The following NOP58 variants were observed in gnomAD, a reference collection of about 807,000 sequenced individuals.
NOP58 encodes nucleolar protein 58.
In NOP58, 44 loss-of-function variants were observed where a neutral mutation model predicts 71.2. That is an observed-to-expected ratio of 0.62 (90% CI 0.49 to 0.79). NOP58 has a LOEUF of 0.79. Ranked by LOEUF, NOP58 falls within the 30% of genes least tolerant of loss-of-function variation. The pLI is 0.00. For missense variants in NOP58, 538 were observed against 620.2 expected (o/e 0.87, Z 1.41); for synonymous variants, 228 against 200.3 (o/e 1.14, Z -1.17).
In NOP58 at chr2:202,295,679, C is replaced by G. The variant is rs761744999; in HGVS notation, c.913C>G (p.Leu305Val). The change falls in exon 10 of 15, where the codon CTT (leucine) becomes GTT (valine). Residue 305 changes from leucine (L) to valine (V), a missense_variant. Coordinates refer to ENST00000264279, the MANE Select transcript of NOP58 (RefSeq NM_015934.5). ...GTAACTTTTTTCTTTTGTAGGTTCT[C>G]TTTTAAATTTGGCCAAGCATGCAGC... The part of the protein sequence containing the change: ...GARLIAHAGS[L>V]LNLAKHAAST... 1 of 1,573,020 alleles carries G rather than the reference C, an allele frequency of 6.4e-7. No individual in the cohort carries two copies.
rs1384520721 is a variant in NOP58 at position 202,266,072 on chromosome 2, GAGTAGCGTGGGTGCCTGTTAT to G, written c.45+89_45+109del. 1.3e-5 allele frequency: 19 copies of G among 1,478,096 alleles called. No individual in the cohort carries two copies. In the African/African-American group the frequency reaches 1.9e-4, roughly 15 times the overall value. The allele number at this position is 1,478,096 out of a possible 1,614,324, so 91.6% of individuals were successfully genotyped here. Reference sequence around the variant, plus strand: ...AAAGACTTAAGCACGGAACTACTCAGAGTAGCGTGGGTGCCTGTTATAGCCCGGGCTCTGGGAGGAGGGAGA... The same window carrying G: ...AAAGACTTAAGCACGGAACTACTCAGAGCCCGGGCTCTGGGAGGAGGGAGA... On this transcript the variant is annotated intron_variant, in intron 1 of 14. Transcript: ENST00000264279.
chr2:202,296,573 T>G (rs182535413), intron 10 of NOP58, among the ~76,000 whole-genome samples: 1 of 152,264 alleles, frequency 6.6e-6, no homozygotes, highest in Non-Finnish European at 1.5e-5. Context: ...TTAGACAAGT[T>G]AAGTACTTTC....
At chr2:202,285,249 C>T (rs1001770814) in intron 5 of NOP58, among the ~76,000 whole-genome samples, 2 of 151,934 alleles carry the variant, frequency 1.3e-5, no homozygotes, top group African/African-American at 4.8e-5. Context: ...ACCATGTTGG[C>T]CTGGCTGATC....
chr2:202,296,356 A>G (rs1337612461), intron 10 of NOP58, among the ~76,000 whole-genome samples: 1 of 152,044 alleles, frequency 6.6e-6, no homozygotes, highest in Admixed American at 6.6e-5. Context: ...TGCACGTGCC[A>G]CCACGCCCGG....
intron 2 of NOP58, among the ~76,000 whole-genome samples, chr2:202,277,221 CATGA>C (rs1422982777): frequency 2.0e-5 from 3 of 151,628 alleles, no homozygotes; most frequent in Admixed American, 6.6e-5. Context: ...AGGAGAATGG[CATGA>C]ACCTGGGAGG....
At chr2:202,276,479 C>G in intron 2 of NOP58, 1 of 516,084 alleles carries the variant, frequency 1.9e-6, no homozygotes, top group Non-Finnish European at 3.9e-6. Flanking sequence ...TCTAAGTGAT[C>G]TGACTCAATA....
rs1201485662 is a variant in NOP58, at chr2:202,300,091, A to G, written c.1269-143A>G. On this transcript the variant is annotated intron_variant, in intron 12 of 14. Coordinates refer to ENST00000264279, the MANE Select transcript of NOP58 (RefSeq NM_015934.5). ...TAACTTTTGGAAACTATTAGTCTTC[A>G]TAAACTACCCCAAAGCCACTAAAAT... 5.8e-6 allele frequency: 4 copies of G among 687,826 alleles called. No individual in the cohort carries two copies. In the African/African-American group the frequency reaches 7.5e-5, roughly 13 times the overall value. 42.6% of individuals were successfully genotyped at this position (687,826 alleles called of 1,614,324 possible).
intron 8 of NOP58, among the ~76,000 whole-genome samples, chr2:202,291,665 C>T (rs532346496): frequency 2.0e-5 from 3 of 151,612 alleles, no homozygotes; most frequent in South Asian, 2.1e-4. Flanking sequence ...AAATTAGCTG[C>T]GCGTGGTGGC....
chr2:202,299,128 T>G (rs145303979), intron 12 of NOP58, among the ~76,000 whole-genome samples: 16 of 151,974 alleles, frequency 1.1e-4, no homozygotes, highest in African/African-American at 3.9e-4. Flanking sequence ...TCCAGCTAAT[T>G]TTTGTATTTT....
intron 10 of NOP58, 59 bp from the exon 11 acceptor site, chr2:202,297,320 A>C: frequency 6.8e-7 from 1 of 1,461,850 alleles, no homozygotes; most frequent in East Asian, 2.3e-5. Flanking sequence ...TAAAACATCC[A>C]AGTTATTGAG....
chr2:202,300,817 C>T (rs1689079218), intron 13 of NOP58, among the ~76,000 whole-genome samples: 1 of 152,136 alleles, frequency 6.6e-6, no homozygotes, highest in Non-Finnish European at 1.5e-5. Context: ...CTAACAGGTG[C>T]TCACCAGTTA....
intron 12 of NOP58, 133 bp from the exon 13 acceptor site, chr2:202,300,101 C>A: frequency 2.6e-6 from 2 of 756,842 alleles, no homozygotes; most frequent in East Asian, 2.8e-5. Flanking sequence ...ATAAACTACC[C>A]CAAAGCCACT....
At chr2:202,295,643 G>T in intron 9 of NOP58, 31 bp from the exon 10 acceptor site, 1 of 1,510,438 alleles carries the variant, frequency 6.6e-7, no homozygotes, top group Non-Finnish European at 8.9e-7. Flanking sequence ...ATATTTGGAG[G>T]TGCATTCTTT....
rs1214957066 is a variant in NOP58 at position 202,300,251 on chromosome 2, A to G, written c.1286A>G (p.Asp429Gly). Residue 429 changes from aspartate (D) to glycine (G), a missense_variant, in exon 13 of 15, where the codon GAT becomes GGT. Physicochemically the swap from Asp to Gly is moderately conservative, Grantham distance 94. Coordinates refer to ENST00000264279, the MANE Select transcript of NOP58 (RefSeq NM_015934.5). ...YEHKSEVKTY[D>G]PSGDSTLPTC... ...TCTTTCAGTGAAGTGAAGACTTACG[A>G]TCCTTCTGGTGACTCCACACTTCCA... 1.3e-6 allele frequency: 2 copies of G among 1,588,184 alleles called. No homozygotes were observed. Among genetic ancestry groups the G allele is most frequent in the Non-Finnish European group, 1.7e-6 (2 of 1,174,418 alleles).
Position 202,303,499 on chromosome 2 carries a change from T to C in NOP58, c.*63T>C. On this transcript the variant is annotated 3_prime_UTR_variant, in exon 15 of 15. Transcript: ENST00000264279. ...CATGCTTAAGATTCAACTGGGAGCA[T>C]ACCAGGGATGCTCTCTAACGTAATC... 1.3e-6 allele frequency: 2 copies of C among 1,559,276 alleles called. No homozygotes were observed. Among genetic ancestry groups the C allele is most frequent in the Non-Finnish European group, 1.7e-6 (2 of 1,151,408 alleles).
intron 1 of NOP58, among the ~76,000 whole-genome samples, chr2:202,268,605 G>A (rs1000293485): frequency 2.6e-5 from 4 of 151,326 alleles, no homozygotes; most frequent in African/African-American, 9.7e-5. Context: ...GTTTTTTGAA[G>A]TTTTTTGTTT....
chr2:202,274,242 TGA>T (rs1330501192), intron 1 of NOP58, among the ~76,000 whole-genome samples: 1 of 152,062 alleles, frequency 6.6e-6, no homozygotes, highest in Non-Finnish European at 1.5e-5. Flanking sequence ...TTTATTTTTT[TGA>T]GATGGAGTTT....
intron 14 of NOP58, 139 bp downstream of exon 14, chr2:202,303,196 T>C: frequency 7.6e-7 from 1 of 1,309,256 alleles, no homozygotes; most frequent in Non-Finnish European, 1.1e-6. Flanking sequence ...AATGGCTTTG[T>C]TGTATTTATA....
Position 202,290,417 on chromosome 2 carries a change from T to C in NOP58, c.594T>C (p.Ile198=). 1 of 1,609,198 alleles carries C rather than the reference T, an allele frequency of 6.2e-7. No homozygotes were observed. The highest frequency in any genetic ancestry group is 1.7e-5 in the Admixed American group (1 of 59,960). Residue 198 remains isoleucine, a synonymous_variant, in exon 7 of 15, where the codon ATT becomes ATC. Coordinates refer to ENST00000264279, the MANE Select transcript of NOP58 (RefSeq NM_015934.5). ...ATTTCCCTGAATTAGGAAAAATTATTTCAGATAATTTAACATACTGCAAGT... is the reference window on the plus strand; with the variant it reads ...ATTTCCCTGAATTAGGAAAAATTATCTCAGATAATTTAACATACTGCAAGT... ...GWHFPELGKI[I]SDNLTYCKCL...
Sources: gnomAD v4.1 joint callset for allele counts (sites outside exome capture counted in the v4.1 genomes callset) on GRCh38, gnomAD v4.1.1 for gene constraint, MANE v1.5 for transcripts, NCBI Gene and HGNC (gene_info 2026-07-23, HGNC 2026-07-21) for gene names.